The following ZNF490 variants were observed in gnomAD, a reference collection of about 807,000 sequenced individuals.
ZNF490 encodes the protein zinc finger protein 490.
In ZNF490, 11 loss-of-function variants were observed where a neutral mutation model predicts 17.7. The ratio of observed to expected loss-of-function variants is 0.62; its 90% CI spans 0.39 to 1.03. ZNF490 has a LOEUF of 1.03. Among genes scored for constraint, ZNF490 ranks in the 50% least tolerant of loss-of-function variants. ZNF490 has a pLI of 0.00. For synonymous variants in ZNF490, 222 were observed against 216.1 expected (o/e 1.03, Z -0.24); for missense variants, 542 against 643.4 (o/e 0.84, Z 1.71).
chr19:12,599,319 A>G (rs2022974877), intron 2 of ZNF490, among the ~76,000 whole-genome samples: 1 of 151,984 alleles, frequency 6.6e-6, no homozygotes, highest in Non-Finnish European at 1.5e-5. Flanking sequence ...TTGTTTAAAA[A>G]GAGGGATGTT....
intron 2 of ZNF490, among the ~76,000 whole-genome samples, chr19:12,583,924 T>A (rs986591748): frequency 6.7e-6 from 1 of 150,154 alleles, no homozygotes; most frequent in Non-Finnish European, 1.5e-5. Context: ...CATTCTCCTG[T>A]CTCAGCCTCC....
intron 2 of ZNF490, among the ~76,000 whole-genome samples, chr19:12,600,115 C>A (rs1360640939): frequency 6.6e-6 from 1 of 152,096 alleles, no homozygotes; most frequent in Non-Finnish European, 1.5e-5. Flanking sequence ...GTAATCCCAG[C>A]ACTTTGGGAG....
chr19:12,589,202 C>T (rs1307068587), intron 2 of ZNF490, among the ~76,000 whole-genome samples: 3 of 151,720 alleles, frequency 2.0e-5, no homozygotes, highest in Non-Finnish European at 2.9e-5. Flanking sequence ...CTCTAAAATA[C>T]AAAAATTAGC....
chr19:12,581,633 C>T lies in ZNF490; in HGVS notation c.442G>A (p.Glu148Lys). Residue 148 changes from glutamate to lysine, a missense_variant, in exon 5 of 5, where the codon GAA (glutamate) becomes AAA (lysine). Coordinates refer to ENST00000311437, the MANE Select transcript of ZNF490 (RefSeq NM_020714.3). The stretch of plus-strand genomic sequence containing the variant: ...CATGGTTTTAATCCAGTAGGAGTTT[C>T]CAGGTTCGTATTAAGATCAGGAATC... ...SQIPDLNTNLETPTGLKPCDC... is the reference protein window; with the variant it reads ...SQIPDLNTNLKTPTGLKPCDC... 6.2e-7 allele frequency: 1 copy of T among 1,614,142 alleles called. No individual in the cohort carries two copies. Among genetic ancestry groups the T allele is most frequent in the Non-Finnish European group, 8.5e-7 (1 of 1,180,036 alleles).
rs201823215 is a variant in ZNF490 at position 12,581,379 on chromosome 19, T to G, written c.696A>C (p.Ala232=). Reference sequence around the variant, plus strand: ...TATGGTTTCGAAAGGAAAAGAGAAATGCGAAGGCTTTGCCACATTCCTTAC... The same window carrying G: ...TATGGTTTCGAAAGGAAAAGAGAAAGGCGAAGGCTTTGCCACATTCCTTAC... ...YECKECGKAF[A]FLFSFRNHIR... is the part of the protein sequence containing the mutation. Residue 232 remains alanine, a synonymous_variant, in exon 5 of 5, where the codon GCA becomes GCC. Transcript: ENST00000311437. 2 of 1,614,012 alleles carry G rather than the reference T, an allele frequency of 1.2e-6. No homozygotes were observed. Among genetic ancestry groups the G allele is most frequent in the Non-Finnish European group, 1.7e-6 (2 of 1,179,968 alleles).
At chr19:12,599,441 G>C (rs2022976187) in intron 2 of ZNF490, among the ~76,000 whole-genome samples, 1 of 152,120 alleles carries the variant, frequency 6.6e-6, no homozygotes, top group African/African-American at 2.4e-5. Context: ...TAGGCCTCCT[G>C]AATGCTTCAT....
chr19:12,595,503 C>A (rs1415555379), intron 2 of ZNF490, among the ~76,000 whole-genome samples: 1 of 150,424 alleles, frequency 6.6e-6, no homozygotes, highest in African/African-American at 2.4e-5. Flanking sequence ...TTCTTTTGTG[C>A]CCTTCCTTCT....
rs889927493 is a variant in ZNF490 at position 12,580,020 on chromosome 19, T to C, written c.*465A>G. The C allele has an allele frequency of 2.5e-5, 10 of 401,826 alleles. No homozygotes were observed. Among genetic ancestry groups the C allele is most frequent in the African/African-American group, 1.6e-4 (7 of 44,558 alleles). 24.9% of individuals were successfully genotyped at this position (401,826 alleles called of 1,614,324 possible). A position where few individuals can be genotyped will look rare whatever the true frequency, so the allele number is the denominator to read the frequency against. On this transcript the variant is annotated 3_prime_UTR_variant, in exon 5 of 5. Transcript: ENST00000311437. ...TTCTTGGGAGGCTGCGGCAGGAGAA[T>C]TGCTTGAATCCGGGAGGCGGAGGTT...
Position 12,578,739 on chromosome 19 carries a change from G to C in ZNF490, c.*1746C>G. 3 of 985,444 alleles carry C rather than the reference G, an allele frequency of 3.0e-6. No individual in the cohort carries two copies. Among genetic ancestry groups the C allele is most frequent in the Middle Eastern group, 5.2e-4 (1 of 1,916 alleles). 61.0% of individuals were successfully genotyped at this position (985,444 alleles called of 1,614,324 possible). On this transcript the variant is annotated 3_prime_UTR_variant, in exon 5 of 5. Coordinates refer to ENST00000311437, the MANE Select transcript of ZNF490 (RefSeq NM_020714.3). ...CTGGGAGTCTTCTCACTTCTCTCCAGTCATGTGTGAGAGCTGAGGGCAGGC... is the reference window on the plus strand; with the variant it reads ...CTGGGAGTCTTCTCACTTCTCTCCACTCATGTGTGAGAGCTGAGGGCAGGC...
chr19:12,581,522 C>G lies in ZNF490; in HGVS notation c.553G>C (p.Glu185Gln). 1.9e-6 allele frequency: 3 copies of G among 1,614,156 alleles called. No homozygotes were observed. Among genetic ancestry groups the G allele is most frequent in the Non-Finnish European group, 2.5e-6 (3 of 1,180,028 alleles). Residue 185 changes from glutamate (E) to glutamine (Q), a missense_variant, in exon 5 of 5, where the codon GAG becomes CAG. By Grantham distance (29) the Glu-to-Gln change is conservative. Transcript: ENST00000311437. ...GGCTTCTCTCCATATTCGTGACACT[C>G]ATTTGGTTTCTGTTCAGTGTGAGAT... ...MRSHTEQKPN[E>Q]CHEYGEKPHK...
intron 2 of ZNF490, among the ~76,000 whole-genome samples, chr19:12,599,539 G>A (rs968382688): frequency 1.1e-4 from 16 of 152,306 alleles, no homozygotes; most frequent in East Asian, 5.8e-4. Context: ...GCTAGAATGA[G>A]TCAGACCTTA....
rs896741182 is a variant in ZNF490 at position 12,577,688 on chromosome 19, T to C, written c.*2797A>G. On this transcript the variant is annotated 3_prime_UTR_variant, in exon 5 of 5. Coordinates refer to ENST00000311437, the MANE Select transcript of ZNF490 (RefSeq NM_020714.3). ...GACCCTAGTATCTTCACCGTGGTTT[T>C]GGATGCTGCCACCTGACCCATCCCT... 4 of 985,434 alleles carry C rather than the reference T, an allele frequency of 4.1e-6. No homozygotes were observed. In the African/African-American group the frequency reaches 7.0e-5, roughly 17 times the overall value. The allele number at this position is 985,434 out of a possible 1,614,324, so 61.0% of individuals were successfully genotyped here. A position where few individuals can be genotyped will look rare whatever the true frequency, so the allele number is the denominator to read the frequency against.
chr19:12,577,793 A>G lies in ZNF490; in HGVS notation c.*2692T>C. ...CAAAGATCACTTCTGGGACCCACCC[A>G]GGGAGACTGTTGTTACGAGGGTGGA... is the stretch of plus-strand genomic sequence containing the variant. On this transcript the variant is annotated 3_prime_UTR_variant, in exon 5 of 5. Transcript: ENST00000311437. The G allele has an allele frequency of 2.0e-6, 2 of 985,520 alleles. No homozygotes were observed. The highest frequency in any genetic ancestry group is 1.1e-4 in the East Asian group (1 of 8,814). The allele number at this position is 985,520 out of a possible 1,614,324, so 61.0% of individuals were successfully genotyped here. A position where few individuals can be genotyped will look rare whatever the true frequency, so the allele number is the denominator to read the frequency against.
intron 2 of ZNF490, among the ~76,000 whole-genome samples, chr19:12,607,823 G>A (rs2023088703): frequency 6.6e-6 from 1 of 152,032 alleles, no homozygotes; most frequent in African/African-American, 2.4e-5. Flanking sequence ...AGGATTGATA[G>A]CTTCCCCATT....
chr19:12,606,983 T>G (rs1387542388), intron 2 of ZNF490, among the ~76,000 whole-genome samples: 1 of 152,084 alleles, frequency 6.6e-6, no homozygotes, highest in Non-Finnish European at 1.5e-5. Flanking sequence ...CCTCCCATCT[T>G]GCAAATGAAA....
At chr19:12,599,158 A>G (rs1260106335) in intron 2 of ZNF490, among the ~76,000 whole-genome samples, 8 of 149,560 alleles carry the variant, frequency 5.3e-5, no homozygotes, top group African/African-American at 7.3e-5. Context: ...AAAAAAAAAA[A>G]AAAAGAAAGA....
In ZNF490 at chr19:12,577,772, G is replaced by C. The variant is rs1454859607; in HGVS notation, c.*2713C>G. ...AGAGTTCCGACCCGAGCGACACAAAGATCACTTCTGGGACCCACCCAGGGA... is the reference window on the plus strand; with the variant it reads ...AGAGTTCCGACCCGAGCGACACAAACATCACTTCTGGGACCCACCCAGGGA... On this transcript the variant is annotated 3_prime_UTR_variant, in exon 5 of 5. Transcript: ENST00000311437. The C allele has an allele frequency of 2.3e-5, 23 of 985,366 alleles. No homozygotes were observed. The highest frequency in any genetic ancestry group is 2.8e-5 in the Non-Finnish European group (23 of 829,996). 61.0% of individuals were successfully genotyped at this position (985,366 alleles called of 1,614,324 possible).
chr19:12,598,334 G>A (rs1362030581), intron 2 of ZNF490, among the ~76,000 whole-genome samples: 1 of 152,088 alleles, frequency 6.6e-6, no homozygotes, highest in Non-Finnish European at 1.5e-5. Flanking sequence ...AAATTGTTAA[G>A]TGCACTGTAA....
chr19:12,597,460 T>C (rs562886399), intron 2 of ZNF490: 2 of 273,780 alleles, frequency 7.3e-6, no homozygotes, highest in Non-Finnish European at 7.4e-6. Context: ...GATATTTGCA[T>C]GTAAGAGGAA....
Sources: gnomAD v4.1 joint callset for allele counts (sites outside exome capture counted in the v4.1 genomes callset) on GRCh38, gnomAD v4.1.1 for gene constraint, MANE v1.5 for transcripts, NCBI Gene and HGNC (gene_info 2026-07-23, HGNC 2026-07-21) for gene names.